Variants in FOXP4 observed in about 807,000 individuals in gnomAD.
FOXP4 encodes forkhead box protein P4.
Under a neutral mutation model 82.6 loss-of-function variants are expected in FOXP4, and 25 were observed. The observed-to-expected ratio is 0.30, with a 90% CI of 0.22 to 0.42. The LOEUF (loss-of-function observed/expected upper bound fraction) is 0.42. Ranked by LOEUF, FOXP4 falls within the 10% of genes least tolerant of loss-of-function variation. The pLI is 1.00. For synonymous variants in FOXP4, 415 were observed against 388.2 expected (o/e 1.07, Z -0.81); for missense variants, 785 against 900.9 (o/e 0.87, Z 1.65).
chr6:41,585,395 T>C (rs1766048341), intron 4 of FOXP4, 36 bp from the exon 5 acceptor site: 1 of 1,606,348 alleles, frequency 6.2e-7, no homozygotes, highest in African/African-American at 1.3e-5. Context: ...GGGATAGCAG[T>C]ACCCTGCCAG....
At chr6:41,597,740 C>A (rs1458271337) in intron 15 of FOXP4, 41 bp from the exon 16 acceptor site, 13 of 1,589,838 alleles carry the variant, frequency 8.2e-6, no homozygotes, top group Non-Finnish European at 1.1e-5. Context: ...GTGCCCCATC[C>A]TGTGGAGCCA....
At chr6:41,560,086 T>G (rs1764482147) in intron 1 of FOXP4, among the ~76,000 whole-genome samples, 1 of 152,194 alleles carries the variant, frequency 6.6e-6, no homozygotes, top group African/African-American at 2.4e-5. Flanking sequence ...CTACATCTAG[T>G]CCAGTTCTCC....
intron 5 of FOXP4, among the ~76,000 whole-genome samples, chr6:41,586,491 C>T (rs17653356): frequency 0.017 from 2,640 of 152,338 alleles, 46 homozygotes; most frequent in Middle Eastern, 0.031. Context: ...TTCTCCGAGC[C>T]TGGGTCCCAG....
At chr6:41,570,887 C>T (rs1765160885) in intron 2 of FOXP4, among the ~76,000 whole-genome samples, 1 of 152,178 alleles carries the variant, frequency 6.6e-6, no homozygotes, top group Admixed American at 6.5e-5. Context: ...GGCTTTTCCC[C>T]TGGGGGAGCA....
At chr6:41,552,243 T>C (rs2127308037) in intron 1 of FOXP4, among the ~76,000 whole-genome samples, 1 of 152,288 alleles carries the variant, frequency 6.6e-6, no homozygotes, top group East Asian at 1.9e-4. Flanking sequence ...TCCTTTGGGG[T>C]TCCCCTGCAG....
intron 3 of FOXP4, among the ~76,000 whole-genome samples, chr6:41,582,610 T>C (rs1434129265): frequency 1.3e-5 from 2 of 152,208 alleles, no homozygotes; most frequent in African/African-American, 4.8e-5. Context: ...TGTCTTTGGA[T>C]GGCAAAACCC....
chr6:41,571,070 A>T (rs913283000), intron 2 of FOXP4, among the ~76,000 whole-genome samples: 13 of 152,198 alleles, frequency 8.5e-5, no homozygotes, highest in African/African-American at 2.9e-4. Context: ...GGTGGGAGGG[A>T]TGTATGTCTG....
chr6:41,564,404 G>A (rs1017090770), intron 1 of FOXP4, among the ~76,000 whole-genome samples: 10 of 152,160 alleles, frequency 6.6e-5, no homozygotes, highest in African/African-American at 9.7e-5. Flanking sequence ...GGGTGACAGA[G>A]CGAGACTCTG....
intron 2 of FOXP4, among the ~76,000 whole-genome samples, chr6:41,573,747 G>A (rs79692764): frequency 6.6e-6 from 1 of 152,154 alleles, no homozygotes; most frequent in Non-Finnish European, 1.5e-5. Context: ...GGTTGTTCCA[G>A]TTTTGCAGAG....
chr6:41,582,786 A>C (rs1279447540), intron 3 of FOXP4, among the ~76,000 whole-genome samples: 1 of 152,108 alleles, frequency 6.6e-6, no homozygotes, highest in East Asian at 1.9e-4. Context: ...ACAACCGTAG[A>C]GTAGGAAGTT....
rs947529272 is a variant in FOXP4 at position 41,546,484 on chromosome 6, G to C, written c.-400G>C. ...GCCGGCGGCCGGGACGGAGCCCCCAGCCCGCGAGGAGGGCGCGGCGCAGGC... is the reference window on the plus strand; with the variant it reads ...GCCGGCGGCCGGGACGGAGCCCCCACCCCGCGAGGAGGGCGCGGCGCAGGC... On this transcript the variant is annotated 5_prime_UTR_variant, in exon 1 of 17. Coordinates refer to ENST00000307972, the MANE Select transcript of FOXP4 (RefSeq NM_001012426.2). The C allele has an allele frequency of 2.7e-5, 4 of 149,588 alleles. No homozygotes were observed. The highest frequency in any genetic ancestry group is 6.7e-5 in the Admixed American group (1 of 14,968). The allele number at this position is 149,588 out of a possible 1,614,324, so 9.3% of individuals were successfully genotyped here.
At chr6:41,589,877 C>T (rs764825676) in intron 10 of FOXP4, 23 bp downstream of exon 10, 3 of 1,611,000 alleles carry the variant, frequency 1.9e-6, no homozygotes, top group African/African-American at 1.3e-5. Context: ...CCCCTCCCCG[C>T]CCCTCCCAGA....
chr6:41,592,344 T>C (rs1339906497), intron 13 of FOXP4, among the ~76,000 whole-genome samples: 2 of 152,226 alleles, frequency 1.3e-5, no homozygotes, highest in African/African-American at 4.8e-5. Context: ...GACTGCATCA[T>C]GACTTTCATA....
intron 2 of FOXP4, among the ~76,000 whole-genome samples, chr6:41,567,268 G>A (rs1217554322): frequency 1.3e-5 from 2 of 152,238 alleles, no homozygotes; most frequent in African/African-American, 4.8e-5. Context: ...AACACATGCA[G>A]CTCATTTGTT....
chr6:41,547,260 C>T (rs1763689033), intron 1 of FOXP4, among the ~76,000 whole-genome samples: 1 of 152,130 alleles, frequency 6.6e-6, no homozygotes, highest in Admixed American at 6.5e-5. Context: ...CGCCCCCTCC[C>T]CGCCGGGCCT....
Position 41,594,838 on chromosome 6 carries a change from C to T in FOXP4, c.1537-32C>T, listed in dbSNP as rs377179139. ...CATGTTTGTGCTTGGCCAAGCAAGC[C>T]GCCTCTGAGCTCCTCTTCACTGCAC... is the stretch of plus-strand genomic sequence containing the variant. On this transcript the variant is annotated intron_variant, in intron 13 of 16. Transcript: ENST00000307972. The T allele has an allele frequency of 2.4e-5, 38 of 1,612,284 alleles. No homozygotes were observed. In the African/African-American group the frequency reaches 3.6e-4, roughly 15 times the overall value.
intron 3 of FOXP4, among the ~76,000 whole-genome samples, chr6:41,581,612 A>C (rs1274112584): frequency 2.0e-5 from 3 of 152,252 alleles, no homozygotes; most frequent in Non-Finnish European, 4.4e-5. Context: ...GCTCCAGCTC[A>C]GTTCTCAGAC....
At position 41,591,335 on chromosome 6, in the gene FOXP4, C is replaced by G; in HGVS notation, c.1536+13C>G. ...TGCCACCTGGAAGGTGAAGCAGGCC[C>G]CTTCCACCTTCTGGGCCCCAGTCAC... On this transcript the variant is annotated intron_variant, in intron 13 of 16. Coordinates refer to ENST00000307972, the MANE Select transcript of FOXP4 (RefSeq NM_001012426.2). This position sits in a 1 kb window ranked among gnomAD's most constrained non-coding sequence, Gnocchi z 4.2. The G allele has an allele frequency of 1.3e-6, 2 of 1,577,492 alleles. No individual in the cohort carries two copies. The highest frequency in any genetic ancestry group is 1.7e-6 in the Non-Finnish European group (2 of 1,159,082).
chr6:41,589,961 A>C lies in FOXP4; in HGVS notation c.1150-2A>C. 3 of 1,613,574 alleles carry C rather than the reference A, an allele frequency of 1.9e-6. No individual in the cohort carries two copies. The highest frequency in any genetic ancestry group is 2.5e-6 in the Non-Finnish European group (3 of 1,179,844). The stretch of plus-strand genomic sequence containing the variant: ...TCTCAGTACCCTCCCCGTTGCTCAC[A>C]GCTGAACCCGGTCCCCGGCTCCTCC... On this transcript the variant is annotated splice_acceptor_variant, in intron 10 of 16. Transcript: ENST00000307972. LOFTEE classifies it high-confidence loss of function.
Sources: allele counts gnomAD v4.1 joint callset (sites outside exome capture counted in the v4.1 genomes callset), GRCh38; gene constraint gnomAD v4.1.1; non-coding constraint Gnocchi (gnomAD v3.1); transcripts MANE v1.5; gene names NCBI Gene and HGNC (gene_info 2026-07-23, HGNC 2026-07-21).